Variants in PPM1A observed in about 807,000 individuals in gnomAD.
PPM1A encodes the protein protein phosphatase 1A.
PPM1A carries 7 observed loss-of-function variants against 35.0 expected under a neutral mutation model. That is an observed-to-expected ratio of 0.20 (90% CI 0.11 to 0.38). The LOEUF is 0.38. PPM1A is among the 10% of genes least tolerant of loss of function. PPM1A has a pLI of 1.00. For synonymous variants in PPM1A, 153 were observed against 167.3 expected, an observed-to-expected ratio of 0.91 and a Z score of 0.66; for missense variants, 239 against 467.8, an observed-to-expected ratio of 0.51 and a Z score of 4.51.
intron 1 of PPM1A, among the ~76,000 whole-genome samples, chr14:60,252,417 A>G (rs1298084208): frequency 6.6e-6 from 1 of 152,200 alleles, no homozygotes; most frequent in Non-Finnish European, 1.5e-5. Context: ...TCCTTAATCA[A>G]ATCAGGAGAA....
Position 60,295,343 on chromosome 14 carries a change from A to G in PPM1A, c.*2861A>G, listed in dbSNP as rs914171971. The G allele has an allele frequency of 2.6e-5, 4 of 151,704 alleles. No individual in the cohort carries two copies. The highest frequency in any genetic ancestry group is 6.6e-5 in the Admixed American group (1 of 15,186). 9.4% of individuals were successfully genotyped at this position (151,704 alleles called of 1,614,324 possible). On this transcript the variant is annotated 3_prime_UTR_variant, in exon 6 of 6. Coordinates refer to ENST00000395076, the MANE Select transcript of PPM1A (RefSeq NM_021003.5). ...AATAGAAGCAGTTCTCAATATTAGC[A>G]TATACTTTAAAAAATCAAAGTGATA...
chr14:60,276,168 T>A (rs938287414), intron 1 of PPM1A, among the ~76,000 whole-genome samples: 2 of 152,194 alleles, frequency 1.3e-5, no homozygotes, highest in African/African-American at 4.8e-5. Flanking sequence ...TATGTAAGCA[T>A]TAGTGAGCAA....
At chr14:60,271,091 G>GT (rs1188166462) in intron 1 of PPM1A, among the ~76,000 whole-genome samples, 1 of 152,176 alleles carries the variant, frequency 6.6e-6, no homozygotes, top group Non-Finnish European at 1.5e-5. Flanking sequence ...GGAGGAATCT[G>GT]TTTCTTGCTT....
intron 1 of PPM1A, among the ~76,000 whole-genome samples, chr14:60,251,711 G>A (rs570876977): frequency 2.0e-5 from 3 of 152,198 alleles, no homozygotes; most frequent in East Asian, 3.9e-4. Context: ...TTCTAAGGCT[G>A]GATTTCTTTC....
chr14:60,248,028 T>C (rs1356675192), upstream of PPM1A, among the ~76,000 whole-genome samples: 1 of 152,126 alleles, frequency 6.6e-6, no homozygotes, highest in East Asian at 1.9e-4. Context: ...GTGGTGTAGG[T>C]CAAATTCGTG....
intron 4 of PPM1A, among the ~76,000 whole-genome samples, chr14:60,290,309 T>G (rs989881651): frequency 6.6e-6 from 1 of 152,160 alleles, no homozygotes; most frequent in East Asian, 1.9e-4. Flanking sequence ...CCCTGAAAAT[T>G]CCCCTTCCTC....
chr14:60,269,422 A>C (rs943985161), intron 1 of PPM1A, among the ~76,000 whole-genome samples: 6 of 152,208 alleles, frequency 3.9e-5, no homozygotes, highest in African/African-American at 1.4e-4. Flanking sequence ...TGCTGGTCGT[A>C]GTATTCTTGG....
chr14:60,254,126 G>A (rs1478705609), intron 1 of PPM1A, among the ~76,000 whole-genome samples: 1 of 152,112 alleles, frequency 6.6e-6, no homozygotes, highest in East Asian at 1.9e-4. Context: ...GATACTTAGG[G>A]GTATAGAGAC....
At chr14:60,270,174 GA>G (rs1464567156) in intron 1 of PPM1A, among the ~76,000 whole-genome samples, 1 of 152,106 alleles carries the variant, frequency 6.6e-6, no homozygotes, top group Non-Finnish European at 1.5e-5. Flanking sequence ...ACCCCTTGCA[GA>G]TTGTTTGCTG....
chr14:60,286,563 T>A, intron 3 of PPM1A: 1 of 985,354 alleles, frequency 1.0e-6, no homozygotes, highest in Non-Finnish European at 1.2e-6. Flanking sequence ...TTAAAATGCA[T>A]TTTAGGCTCC....
At position 60,288,253 on chromosome 14, in the gene PPM1A, CA is replaced by C. The variant is rs1402658381; in HGVS notation, c.953-1549del. 3.1e-6 allele frequency: 3 copies of C among 967,290 alleles called. No homozygotes were observed. In the Admixed American group the frequency reaches 1.9e-4, roughly 60 times the overall value. The allele number at this position is 967,290 out of a possible 1,614,324, so 59.9% of individuals were successfully genotyped here. On this transcript the variant is annotated intron_variant, in intron 3 of 5. Coordinates refer to ENST00000395076, the MANE Select transcript of PPM1A (RefSeq NM_021003.5). The stretch of plus-strand genomic sequence containing the variant: ...TAAAATATCCTAATTTATATTTTAA[CA>C]AAAGAGATGTAAGATACATCAAATA...
At chr14:60,284,970 A>G (rs1331820706) in intron 2 of PPM1A, among the ~76,000 whole-genome samples, 1 of 151,942 alleles carries the variant, frequency 6.6e-6, no homozygotes, top group Non-Finnish European at 1.5e-5. Flanking sequence ...TTCTGAGGGT[A>G]TATATTTGAT....
At chr14:60,277,237 A>G (rs1489689529) in intron 1 of PPM1A, 1 of 173,630 alleles carries the variant, frequency 5.8e-6, no homozygotes, top group Non-Finnish European at 1.2e-5. Context: ...ATGGAAGATG[A>G]CTGTGTAAAC....
At chr14:60,288,135 G>A (rs1265664331) in intron 3 of PPM1A, 14 of 984,838 alleles carry the variant, frequency 1.4e-5, no homozygotes, top group Middle Eastern at 5.2e-4. Flanking sequence ...GTTTAAATGC[G>A]TTGTCCCACG....
Position 60,282,994 on chromosome 14 carries a change from A to G in PPM1A, c.291A>G (p.Val97=), listed in dbSNP as rs766728463. 2 of 1,614,240 alleles carry G rather than the reference A, an allele frequency of 1.2e-6. No homozygotes were observed. The highest frequency in any genetic ancestry group is 1.3e-5 in the African/African-American group (1 of 75,062). Reference sequence around the variant, plus strand: ...CAGGAGCACCTTCTGTGGAAAATGTAAAGAATGGAATCAGAACAGGTTTTC... The same window carrying G: ...CAGGAGCACCTTCTGTGGAAAATGTGAAGAATGGAATCAGAACAGGTTTTC... ...GSAGAPSVEN[V]KNGIRTGFLE... Residue 97 remains valine (V), a synonymous_variant, in exon 2 of 6, where the codon GTA becomes GTG. Coordinates refer to ENST00000395076, the MANE Select transcript of PPM1A (RefSeq NM_021003.5). This position sits in a 1 kb window ranked among gnomAD's most constrained non-coding sequence, Gnocchi z 5.1.
intron 1 of PPM1A, among the ~76,000 whole-genome samples, chr14:60,265,518 A>T (rs537171302): frequency 6.6e-6 from 1 of 152,206 alleles, no homozygotes; most frequent in Non-Finnish European, 1.5e-5. Context: ...TTTTGTTTGT[A>T]TAGTTAATAA....
rs752209343 is a variant in PPM1A at position 60,289,829 on chromosome 14, G to A, written c.976G>A (p.Gly326Ser). 1.2e-6 allele frequency: 2 copies of A among 1,609,278 alleles called. No homozygotes were observed. The highest frequency in any genetic ancestry group is 2.2e-5 in the South Asian group (2 of 90,350). ...AGAAATCATAAAGAAGCAGGGGGAA[G>A]GCGTCCCCGACTTAGTCCATGTGAT... ...VEEIIKKQGE[G>S]VPDLVHVMRT... Residue 326 changes from glycine (G) to serine (S), a missense_variant, in exon 4 of 6, where the codon GGC becomes AGC. Gly to Ser is a moderately conservative substitution (Grantham distance 56, BLOSUM62 0). This residue lies in a region of PPM1A where 64 missense variants were observed against 78.6 expected (regional missense o/e 0.81). Transcript: ENST00000395076. The surrounding 1 kb of genome is among the most constrained non-coding windows in gnomAD (Gnocchi z 4.1).
intron 1 of PPM1A, among the ~76,000 whole-genome samples, chr14:60,281,824 T>C (rs968089457): frequency 3.9e-5 from 6 of 152,218 alleles, no homozygotes; most frequent in African/African-American, 1.4e-4. Flanking sequence ...ACTAGACCCT[T>C]TGATCTTCTT....
chr14:60,285,187 A>C (rs935925806), intron 2 of PPM1A, among the ~76,000 whole-genome samples: 9 of 152,194 alleles, frequency 5.9e-5, no homozygotes, highest in African/African-American at 2.2e-4. Flanking sequence ...TAATTTTATC[A>C]GGTACATATA....
Sources: allele counts gnomAD v4.1 joint callset (sites outside exome capture counted in the v4.1 genomes callset), GRCh38; gene constraint gnomAD v4.1.1; regional missense constraint gnomAD v4.1.1; non-coding constraint Gnocchi (gnomAD v3.1); transcripts MANE v1.5; gene names NCBI Gene and HGNC (gene_info 2026-07-23, HGNC 2026-07-21).